The following AGAP1 variants were observed in gnomAD, a reference collection of about 807,000 sequenced individuals.
AGAP1 encodes ArfGAP with GTPase domain, ankyrin repeat and PH domain 1.
A neutral mutation model predicts 105.3 loss-of-function variants in AGAP1; 29 were observed. The observed-to-expected ratio is 0.28, with a 90% CI of 0.21 to 0.38. AGAP1 has a LOEUF of 0.38. Among genes scored for constraint, AGAP1 ranks in the 10% least tolerant of loss-of-function variants. AGAP1 has a pLI of 1.00. For synonymous variants in AGAP1, 509 were observed against 485.9 expected (o/e 1.05, Z -0.63); for missense variants, 998 against 1,165.1 (o/e 0.86, Z 2.09).
At position 235,582,737 on chromosome 2, in the gene AGAP1, C is replaced by T. The variant is rs552211428; in HGVS notation, c.163+87888C>T. On this transcript the variant is annotated intron_variant, in intron 1 of 17. Transcript: ENST00000304032. This position sits in a 1 kb window ranked among gnomAD's most constrained non-coding sequence, Gnocchi z 4.7. ...AAGTCAGAGAGAGGGGGCTCGTGGTCCTTCTTGGGCTCTCATTGCTGTTAG... is the reference window on the plus strand; with the variant it reads ...AAGTCAGAGAGAGGGGGCTCGTGGTTCTTCTTGGGCTCTCATTGCTGTTAG... Among the ~76,000 whole-genome samples the T allele has an allele frequency of 4.1e-4, 63 of 152,340 alleles. No homozygotes were observed. The highest frequency in any genetic ancestry group is 1.3e-3 in the African/African-American group (55 of 41,590).
chr2:236,045,156 T>C lies in AGAP1; in HGVS notation c.1892-3903T>C, dbSNP rs549883677. Among the ~76,000 whole-genome samples the C allele has an allele frequency of 8.3e-4, 127 of 152,314 alleles. No homozygotes were observed. The highest frequency in any genetic ancestry group is 3.0e-3 in the African/African-American group (125 of 41,570). ...GTCTTAAACTCCTGGCCTTCGGCGA[T>C]CCTCCCCCATTGACCTCCCAAAGTG... On this transcript the variant is annotated intron_variant, in intron 15 of 17. Transcript: ENST00000304032. This position sits in a 1 kb window ranked among gnomAD's most constrained non-coding sequence, Gnocchi z 6.9.
intron 1 of AGAP1, among the ~76,000 whole-genome samples, chr2:235,645,412 G>A (rs1947340429): frequency 6.6e-6 from 1 of 152,132 alleles, no homozygotes; most frequent in South Asian, 2.1e-4. Context: ...GTATTTATTA[G>A]GGCACTATTA....
At position 235,941,959 on chromosome 2, in the gene AGAP1, T is replaced by C. The variant is rs139263143; in HGVS notation, c.1483+11036T>C. 6.5e-3 allele frequency among the ~76,000 whole-genome samples: 990 copies of C among 152,184 alleles called. 11 individuals carry two copies. The highest frequency in any genetic ancestry group is 0.023 in the African/African-American group (942 of 41,510). Reference sequence around the variant, plus strand: ...GCATTCTAAAAAGGTTTGCCCGTGATCCTGAGCCAGCAGAATGCCCTGATG... The same window carrying C: ...GCATTCTAAAAAGGTTTGCCCGTGACCCTGAGCCAGCAGAATGCCCTGATG... On this transcript the variant is annotated intron_variant, in intron 12 of 17. Transcript: ENST00000304032.
At chr2:236,072,184 A>G (rs970466333) in intron 16 of AGAP1, 1 of 135,640 alleles carries the variant, frequency 7.4e-6, no homozygotes, top group Admixed American at 8.3e-5. Context: ...GCTCACGCCT[A>G]TAATCCCAGG....
At chr2:235,587,813 T>C (rs892615616) in intron 1 of AGAP1, among the ~76,000 whole-genome samples, 1 of 151,338 alleles carries the variant, frequency 6.6e-6, no homozygotes, top group East Asian at 1.9e-4. Flanking sequence ...AAGAGGCCAG[T>C]GTGAGGGTCA....
In AGAP1 at chr2:235,621,557, T is replaced by C. The variant is rs1237578798; in HGVS notation, c.164-87622T>C. On this transcript the variant is annotated intron_variant, in intron 1 of 17. Coordinates refer to ENST00000304032, the MANE Select transcript of AGAP1 (RefSeq NM_001037131.3). This position sits in a 1 kb window ranked among gnomAD's most constrained non-coding sequence, Gnocchi z 4.1. ...TGTCACGTCTCTGAGCCGGCTTCTCTGGGCACTGGCTGGGCTGACCCCAAT... is the reference window on the plus strand; with the variant it reads ...TGTCACGTCTCTGAGCCGGCTTCTCCGGGCACTGGCTGGGCTGACCCCAAT... 6.6e-6 allele frequency among the ~76,000 whole-genome samples: 1 copy of C among 152,186 alleles called. No individual in the cohort carries two copies. Among genetic ancestry groups the C allele is most frequent in the Non-Finnish European group, 1.5e-5 (1 of 68,026 alleles).
intron 16 of AGAP1, among the ~76,000 whole-genome samples, chr2:236,107,475 C>G (rs1482969036): frequency 6.6e-6 from 1 of 152,206 alleles, no homozygotes; most frequent in Non-Finnish European, 1.5e-5. Context: ...CCTCAAGACT[C>G]TGGAAGAATG....
rs1365917376 is a variant in AGAP1 at position 235,517,412 on chromosome 2, G to A, written c.163+22563G>A. On this transcript the variant is annotated intron_variant, in intron 1 of 17. Coordinates refer to ENST00000304032, the MANE Select transcript of AGAP1 (RefSeq NM_001037131.3). This position sits in a 1 kb window ranked among gnomAD's most constrained non-coding sequence, Gnocchi z 4.1. Reference sequence around the variant, plus strand: ...GATGTAGTAGCATCACGAGTGTTTCGTCACTTAACCCAGAGCAGGGCTTTG... The same window carrying A: ...GATGTAGTAGCATCACGAGTGTTTCATCACTTAACCCAGAGCAGGGCTTTG... Among the ~76,000 whole-genome samples, 1 of 152,112 alleles carries A rather than the reference G, an allele frequency of 6.6e-6. No individual in the cohort carries two copies. Among genetic ancestry groups the A allele is most frequent in the African/African-American group, 2.4e-5 (1 of 41,422 alleles).
rs1491401265 is a variant in AGAP1, at chr2:236,104,019, CCT to C, written c.2115-16172_2115-16171del. On this transcript the variant is annotated intron_variant, in intron 16 of 17. Coordinates refer to ENST00000304032, the MANE Select transcript of AGAP1 (RefSeq NM_001037131.3). The surrounding 1 kb of genome is among the most constrained non-coding windows in gnomAD (Gnocchi z 4.7). The stretch of plus-strand genomic sequence containing the variant: ...CCCTGAGATGTGGAGGGTTTTATCC[CCT>C]TTTTGCGGGTAGGGAAATTGAATAT... Among the ~76,000 whole-genome samples the C allele has an allele frequency of 1.3e-5, 2 of 152,254 alleles. No homozygotes were observed. The highest frequency in any genetic ancestry group is 2.9e-5 in the Non-Finnish European group (2 of 68,046).
At chr2:236,060,717 A>G (rs1428188012) in intron 16 of AGAP1, among the ~76,000 whole-genome samples, 3 of 152,066 alleles carry the variant, frequency 2.0e-5, no homozygotes, top group Non-Finnish European at 2.9e-5. Flanking sequence ...ATTTAAATTA[A>G]AAAAAAGAAT....
Position 235,623,024 on chromosome 2 carries a change from GA to G in AGAP1, c.164-86151del, listed in dbSNP as rs1394217531. ...GAATCTTAAGTTTATTCTGGATTGA[GA>G]AAAGTGGAAGAGGTTAGAAGCTAAC... On this transcript the variant is annotated intron_variant, in intron 1 of 17. Transcript: ENST00000304032. This position sits in a 1 kb window ranked among gnomAD's most constrained non-coding sequence, Gnocchi z 4.5. Among the ~76,000 whole-genome samples the G allele has an allele frequency of 1.3e-5, 2 of 152,180 alleles. No individual in the cohort carries two copies. The highest frequency in any genetic ancestry group is 4.8e-5 in the African/African-American group (2 of 41,432).
Position 235,752,812 on chromosome 2 carries a change from C to T in AGAP1, c.673+2324C>T, listed in dbSNP as rs1953561980. On this transcript the variant is annotated intron_variant, in intron 6 of 17. Coordinates refer to ENST00000304032, the MANE Select transcript of AGAP1 (RefSeq NM_001037131.3). This position sits in a 1 kb window ranked among gnomAD's most constrained non-coding sequence, Gnocchi z 4.3. The stretch of plus-strand genomic sequence containing the variant: ...ACTGGGGGTTGTCAGGATGATGCTG[C>T]CTTCCTGCCAAACAGCCTTTGTACG... Among the ~76,000 whole-genome samples, 1 of 152,196 alleles carries T rather than the reference C, an allele frequency of 6.6e-6. No individual in the cohort carries two copies. Among genetic ancestry groups the T allele is most frequent in the South Asian group, 2.1e-4 (1 of 4,826 alleles).
Position 235,656,618 on chromosome 2 carries a change from C to A in AGAP1, c.164-52561C>A, listed in dbSNP as rs530330872. 4.1e-4 allele frequency among the ~76,000 whole-genome samples: 63 copies of A among 152,220 alleles called. 1 individual carries two copies. Among genetic ancestry groups the A allele is most frequent in the African/African-American group, 1.5e-3 (61 of 41,532 alleles). On this transcript the variant is annotated intron_variant, in intron 1 of 17. Transcript: ENST00000304032. Reference sequence around the variant, plus strand: ...ATTAGCCAATTGGAATTAGTTTAGCCTGTGCGGTCTAACCCTAGCCAACAG... The same window carrying A: ...ATTAGCCAATTGGAATTAGTTTAGCATGTGCGGTCTAACCCTAGCCAACAG...
chr2:235,724,163 A>T lies in AGAP1; in HGVS notation c.310+6519A>T, dbSNP rs1951532835. On this transcript the variant is annotated intron_variant, in intron 3 of 17. Transcript: ENST00000304032. The surrounding 1 kb of genome is among the most constrained non-coding windows in gnomAD (Gnocchi z 4.9). The stretch of plus-strand genomic sequence containing the variant: ...ATCTGGAGTTTCTGACTGATTCTTA[A>T]CCAACTCAAAATTTTAGGCAGAAAG... 6.6e-6 allele frequency among the ~76,000 whole-genome samples: 1 copy of T among 152,204 alleles called. No homozygotes were observed. The highest frequency in any genetic ancestry group is 1.5e-5 in the Non-Finnish European group (1 of 68,032).
At chr2:235,564,782 G>A (rs1189145705) in intron 1 of AGAP1, among the ~76,000 whole-genome samples, 4 of 141,348 alleles carry the variant, frequency 2.8e-5, no homozygotes, top group Admixed American at 6.9e-5. Flanking sequence ...CAGCACCCAC[G>A]GCCAGGTGTG....
At chr2:235,757,827 C>T (rs990809547) in intron 6 of AGAP1, among the ~76,000 whole-genome samples, 1 of 152,170 alleles carries the variant, frequency 6.6e-6, no homozygotes, top group Non-Finnish European at 1.5e-5. Flanking sequence ...GTCCTAATTA[C>T]AGGAGTGTCC....
Position 235,517,555 on chromosome 2 carries a change from T to C in AGAP1, c.163+22706T>C, listed in dbSNP as rs960443489. On this transcript the variant is annotated intron_variant, in intron 1 of 17. Transcript: ENST00000304032. The surrounding 1 kb of genome is among the most constrained non-coding windows in gnomAD (Gnocchi z 4.1). ...ATGAGGCAGGAGATCCTCTTTACTT[T>C]GTAAAAAAATGTAAAAGAACTTGTT... Among the ~76,000 whole-genome samples, 202 of 152,248 alleles carry C rather than the reference T, an allele frequency of 1.3e-3. No homozygotes were observed. Among genetic ancestry groups the C allele is most frequent in the African/African-American group, 4.7e-3 (196 of 41,546 alleles).
At chr2:235,808,765 G>A (rs13031248) in intron 9 of AGAP1, among the ~76,000 whole-genome samples, 1,831 of 152,186 alleles carry the variant, frequency 0.012, 20 homozygotes, top group Admixed American at 0.02. Context: ...ATTGGCCCGG[G>A]GCACCTTTAG....
In AGAP1 at chr2:235,734,689, A is replaced by C. The variant is rs1341792605; in HGVS notation, c.311-6274A>C. Among the ~76,000 whole-genome samples, 1 of 152,194 alleles carries C rather than the reference A, an allele frequency of 6.6e-6. No individual in the cohort carries two copies. The highest frequency in any genetic ancestry group is 1.5e-5 in the Non-Finnish European group (1 of 68,034). The stretch of plus-strand genomic sequence containing the variant: ...GGCCACCCTTCCCAAGTGTGAGTGG[A>C]GTAAGGATAAGATAGTCCCGCCTCT... On this transcript the variant is annotated intron_variant, in intron 3 of 17. Coordinates refer to ENST00000304032, the MANE Select transcript of AGAP1 (RefSeq NM_001037131.3). This position sits in a 1 kb window ranked among gnomAD's most constrained non-coding sequence, Gnocchi z 5.3.
Sources: gnomAD v4.1 joint callset for allele counts (sites outside exome capture counted in the v4.1 genomes callset) on GRCh38, gnomAD v4.1.1 for gene constraint, Gnocchi (gnomAD v3.1) non-coding constraint, MANE v1.5 for transcripts, NCBI Gene and HGNC (gene_info 2026-07-23, HGNC 2026-07-21) for gene names.